Variants in CRPPA observed in about 807,000 individuals in gnomAD.
CRPPA encodes the protein D-ribitol-5-phosphate cytidylyltransferase.
In CRPPA, 43 loss-of-function variants were observed where a neutral mutation model predicts 52.0. The observed-to-expected ratio is 0.83, with a 90% CI of 0.65 to 1.07. The LOEUF is 1.07. Among genes scored for constraint, CRPPA ranks in the 50% least tolerant of loss-of-function variants. The probability of loss-of-function intolerance (pLI) is 0.00; values close to 1 mark genes in which losing one functional copy is unlikely to be tolerated. For synonymous variants in CRPPA, 250 were observed against 203.5 expected, an observed-to-expected ratio of 1.23 and a Z score of -1.94; for missense variants, 629 against 551.7, an observed-to-expected ratio of 1.14 and a Z score of -1.40.
At chr7:16,160,606 C>T (rs1435887553) in intron 9 of CRPPA, among the ~76,000 whole-genome samples, 1 of 152,150 alleles carries the variant, frequency 6.6e-6, no homozygotes, top group African/African-American at 2.4e-5. Context: ...ATGATGCCTA[C>T]AGCTTTGTTC....
At chr7:16,213,805 T>G (rs191355817) in intron 9 of CRPPA, among the ~76,000 whole-genome samples, 182 of 152,238 alleles carry the variant, frequency 1.2e-3, no homozygotes, top group African/African-American at 4.0e-3. Flanking sequence ...TGTCCCTTAG[T>G]CTATTTTAAG....
At chr7:16,305,943 G>C (rs1339893973) in intron 4 of CRPPA, among the ~76,000 whole-genome samples, 1 of 152,116 alleles carries the variant, frequency 6.6e-6, no homozygotes, top group South Asian at 2.1e-4. Flanking sequence ...CCGAAATCAA[G>C]ATACAAGTAG....
chr7:16,356,135 A>T (rs1365908372), intron 3 of CRPPA, among the ~76,000 whole-genome samples: 2 of 152,192 alleles, frequency 1.3e-5, no homozygotes, highest in African/African-American at 4.8e-5. Flanking sequence ...ATGTTTATAA[A>T]CTTATCTAAA....
chr7:16,151,023 T>C (rs1479878882), intron 9 of CRPPA, among the ~76,000 whole-genome samples: 1 of 152,332 alleles, frequency 6.6e-6, no homozygotes, highest in East Asian at 1.9e-4. Flanking sequence ...CATAGGTTTT[T>C]TGGAGGACAC....
chr7:16,397,791 C>T (rs1787648051), intron 2 of CRPPA, among the ~76,000 whole-genome samples: 1 of 152,342 alleles, frequency 6.6e-6, no homozygotes, highest in Middle Eastern at 3.4e-3. Flanking sequence ...ACGTCACTGA[C>T]ATGATTGGCA....
In CRPPA at chr7:16,225,879, T is replaced by A. The variant is rs55927660; in HGVS notation, c.1120-9682A>T. On this transcript the variant is annotated intron_variant, in intron 8 of 9. Coordinates refer to ENST00000407010, the MANE Select transcript of CRPPA (RefSeq NM_001101426.4). ...TATGTACCTACTTTTGCAAGTTTTT[T>A]AAAAATAAATATATTTAATGTGTTC... is the stretch of plus-strand genomic sequence containing the variant. 3.3e-3 allele frequency among the ~76,000 whole-genome samples: 499 copies of A among 152,048 alleles called. 2 individuals carry two copies. Among genetic ancestry groups the A allele is most frequent in the African/African-American group, 0.011 (471 of 41,558 alleles).
chr7:16,119,538 CAG>C (rs1404288067), intron 9 of CRPPA, among the ~76,000 whole-genome samples: 1 of 152,138 alleles, frequency 6.6e-6, no homozygotes, highest in African/African-American at 2.4e-5. Flanking sequence ...AGTGAAAACA[CAG>C]AGATTGTCAA....
intron 8 of CRPPA, among the ~76,000 whole-genome samples, chr7:16,236,567 T>G (rs375106794): frequency 1.3e-5 from 2 of 152,100 alleles, no homozygotes; most frequent in African/African-American, 4.8e-5. Context: ...TTCTATACTT[T>G]CCATACAAGA....
chr7:16,239,157 A>G (rs1013015904), intron 8 of CRPPA, among the ~76,000 whole-genome samples: 2 of 137,628 alleles, frequency 1.5e-5, no homozygotes, highest in African/African-American at 5.4e-5. Flanking sequence ...AAAAAAAAAA[A>G]GCCATTTAGA....
intron 1 of CRPPA, among the ~76,000 whole-genome samples, 162 bp from the exon 2 acceptor site, chr7:16,406,499 C>T (rs1280431796): frequency 6.6e-6 from 1 of 152,200 alleles, no homozygotes; most frequent in East Asian, 1.9e-4. Context: ...AGTAAAGAGG[C>T]TGATGAAAAA....
chr7:16,234,388 T>C (rs1249800806), intron 8 of CRPPA, among the ~76,000 whole-genome samples: 3 of 152,148 alleles, frequency 2.0e-5, no homozygotes, highest in Non-Finnish European at 4.4e-5. Context: ...CACAATAAGA[T>C]GCTTCATAAA....
At chr7:16,394,404 A>T (rs1787519841) in intron 2 of CRPPA, among the ~76,000 whole-genome samples, 1 of 152,170 alleles carries the variant, frequency 6.6e-6, no homozygotes. Context: ...AACATAGCCA[A>T]AACATTCTTC....
At chr7:16,185,074 C>A (rs906499380) in intron 9 of CRPPA, among the ~76,000 whole-genome samples, 1 of 152,100 alleles carries the variant, frequency 6.6e-6, no homozygotes, top group African/African-American at 2.4e-5. Flanking sequence ...GTGTATTAGT[C>A]CATTTTCATT....
chr7:16,385,011 T>C (rs1185694205), intron 2 of CRPPA, among the ~76,000 whole-genome samples: 9 of 152,100 alleles, frequency 5.9e-5, no homozygotes, highest in Non-Finnish European at 1.2e-4. Context: ...AATTCTAGAA[T>C]TGAAAAGTAT....
At chr7:16,190,725 T>C (rs1026368785) in intron 9 of CRPPA, among the ~76,000 whole-genome samples, 13 of 152,098 alleles carry the variant, frequency 8.5e-5, no homozygotes, top group Admixed American at 2.0e-4. Flanking sequence ...ACCCAAGCAG[T>C]GTACACTGCA....
At chr7:16,109,601 C>T (rs1324812159) in intron 9 of CRPPA, among the ~76,000 whole-genome samples, 1 of 151,826 alleles carries the variant, frequency 6.6e-6, no homozygotes, top group Non-Finnish European at 1.5e-5. Flanking sequence ...TACTAGCAAA[C>T]CGAACAACAA....
At chr7:16,276,111 G>C (rs73294876) in intron 6 of CRPPA, among the ~76,000 whole-genome samples, 11,103 of 151,926 alleles carry the variant, frequency 0.073, 504 homozygotes, top group East Asian at 0.16. Flanking sequence ...TGACTGAACA[G>C]AAATAAAAGA....
intron 9 of CRPPA, among the ~76,000 whole-genome samples, chr7:16,110,626 TC>T: frequency 6.6e-6 from 1 of 151,702 alleles, no homozygotes; most frequent in East Asian, 1.9e-4. Flanking sequence ...AGTAGAAAGC[TC>T]AGAAAGGAAT....
intron 1 of CRPPA, among the ~76,000 whole-genome samples, chr7:16,413,109 C>T (rs1024477781): frequency 3.3e-5 from 5 of 152,174 alleles, no homozygotes; most frequent in Admixed American, 2.6e-4. Context: ...TTCACGGAAA[C>T]TTGGCCTCTG....
Sources: gnomAD v4.1 joint callset for allele counts (sites outside exome capture counted in the v4.1 genomes callset) on GRCh38, gnomAD v4.1.1 for gene constraint, MANE v1.5 for transcripts, NCBI Gene and HGNC (gene_info 2026-07-23, HGNC 2026-07-21) for gene names.